RAB5C: variants seen among roughly 807,000 people sequenced by gnomAD.
The protein encoded by RAB5C is ras-related protein Rab-5C.
A neutral mutation model predicts 25.2 loss-of-function variants in RAB5C; 4 were observed. The observed-to-expected ratio is 0.16, with a 90% CI of 0.08 to 0.36. The LOEUF (loss-of-function observed/expected upper bound fraction) is 0.36. Among genes scored for constraint, RAB5C ranks in the 10% least tolerant of loss-of-function variants. The probability of loss-of-function intolerance (pLI) is 1.00; values close to 1 mark genes in which losing one functional copy is unlikely to be tolerated. For missense variants in RAB5C, 199 were observed against 283.8 expected, an observed-to-expected ratio of 0.70 and a Z score of 2.15; for synonymous variants, 100 against 106.4, an observed-to-expected ratio of 0.94 and a Z score of 0.37.
In RAB5C at chr17:42,125,717, T is replaced by C. The variant is rs1032599664; in HGVS notation, c.*66A>G. On this transcript the variant is annotated 3_prime_UTR_variant, in exon 6 of 6. Coordinates refer to ENST00000346213, the MANE Select transcript of RAB5C (RefSeq NM_004583.4). The stretch of plus-strand genomic sequence containing the variant: ...GGCCCGAGTCGTTAAGTGCGATTGG[T>C]TAGAGTGGATTCCAGTCGGGTCATT... The C allele has an allele frequency of 1.3e-4, 157 of 1,179,990 alleles. No homozygotes were observed. The highest frequency in any genetic ancestry group is 1.8e-4 in the Non-Finnish European group (151 of 820,724). 73.1% of individuals were successfully genotyped at this position (1,179,990 alleles called of 1,614,324 possible). A position where few individuals can be genotyped will look rare whatever the true frequency, so the allele number is the denominator to read the frequency against.
At chr17:42,140,848 A>C (rs1478165834) in intron 1 of RAB5C, among the ~76,000 whole-genome samples, 4 of 151,698 alleles carry the variant, frequency 2.6e-5, no homozygotes, top group Non-Finnish European at 5.9e-5. Flanking sequence ...TACATTTTTG[A>C]GACAGGGTCT....
At chr17:42,142,490 C>T (rs557037337) in intron 1 of RAB5C, among the ~76,000 whole-genome samples, 12 of 152,144 alleles carry the variant, frequency 7.9e-5, no homozygotes, top group Non-Finnish European at 1.3e-4. Context: ...GCTGCAAATG[C>T]TAGAGGTTTG....
chr17:42,126,634 A>C, intron 5 of RAB5C, 121 bp downstream of exon 5: 1 of 239,036 alleles, frequency 4.2e-6, no homozygotes, highest in Non-Finnish European at 7.8e-6. Flanking sequence ...TCCATCTCAA[A>C]AAAAAAAAAA....
At chr17:42,126,660 A>ATT in intron 5 of RAB5C, 95 bp downstream of exon 5, 3 of 361,130 alleles carry the variant, frequency 8.3e-6, no homozygotes, top group Non-Finnish European at 1.1e-5. Context: ...AAAAAAAAAG[A>ATT]GTGGTGAAGG....
intron 1 of RAB5C, chr17:42,136,446 T>C (rs1368359704): frequency 6.6e-6 from 1 of 152,240 alleles, no homozygotes; most frequent in Non-Finnish European, 1.5e-5. Context: ...TTCCCCAGCG[T>C]GGCTAGCAGG....
chr17:42,136,063 AACAAG>A (rs1176541068), intron 1 of RAB5C, among the ~76,000 whole-genome samples: 1 of 152,202 alleles, frequency 6.6e-6, no homozygotes, highest in Non-Finnish European at 1.5e-5. Flanking sequence ...TGAATATTTA[AACAAG>A]AGTCCAGCAA....
intron 5 of RAB5C, 107 bp from the exon 6 acceptor site, chr17:42,126,005 ATT>A: frequency 1.3e-6 from 1 of 768,126 alleles, no homozygotes; most frequent in Non-Finnish European, 2.2e-6. Context: ...TAACTCACAT[ATT>A]GAGGGCTTCT....
At chr17:42,127,111 A>C (rs879507615) in intron 4 of RAB5C, among the ~76,000 whole-genome samples, 3 of 152,240 alleles carry the variant, frequency 2.0e-5, no homozygotes, top group Admixed American at 1.3e-4. Flanking sequence ...CAAAATCACT[A>C]GGCTAGGAAA....
In RAB5C at chr17:42,140,511, ATATATTTTTTTTTT is replaced by A. The variant is rs1207735674; in HGVS notation, c.-88-9935_-88-9922del. Among the ~76,000 whole-genome samples the A allele has an allele frequency of 8.3e-5, 3 of 36,008 alleles. No homozygotes were observed. In the African/African-American group the frequency reaches 9.9e-4, roughly 12 times the overall value. 23.6% of individuals were successfully genotyped at this position (36,008 alleles called of 152,430 possible). A position where few individuals can be genotyped will look rare whatever the true frequency, so the allele number is the denominator to read the frequency against. On this transcript the variant is annotated intron_variant, in intron 1 of 5. Transcript: ENST00000346213. ...TATATATATATATATATATATATAT[ATATATTTTTTTTTT>A]TTTTTTTTTTTTTTTTGAGATGGAG...
In RAB5C at chr17:42,126,819, A is replaced by T; in HGVS notation, c.471T>A (p.Ser157Arg). The change falls in exon 5 of 6, where the codon AGT becomes AGA. Residue 157 changes from serine (S) to arginine (R), a missense_variant. Transcript: ENST00000346213. ...TTGCTGATGTCTCCATGAACAGCAAACTGTTGTCGTCTGCATAGGCTTGTG... is the reference window on the plus strand; with the variant it reads ...TTGCTGATGTCTCCATGAACAGCAATCTGTTGTCGTCTGCATAGGCTTGTG... ...QEAQAYADDN[S>R]LLFMETSAKT... is the part of the protein sequence containing the mutation. 6.2e-7 allele frequency: 1 copy of T among 1,613,248 alleles called. No individual in the cohort carries two copies. Among genetic ancestry groups the T allele is most frequent in the Non-Finnish European group, 8.5e-7 (1 of 1,179,344 alleles).
At chr17:42,142,031 G>A (rs1339570386) in intron 1 of RAB5C, among the ~76,000 whole-genome samples, 5 of 151,994 alleles carry the variant, frequency 3.3e-5, no homozygotes, top group African/African-American at 1.2e-4. Flanking sequence ...GATACTCAGT[G>A]TCCTGTCAAC....
chr17:42,137,272 C>G (rs572179594), intron 1 of RAB5C, among the ~76,000 whole-genome samples: 81 of 150,852 alleles, frequency 5.4e-4, no homozygotes, highest in Non-Finnish European at 1.0e-3. Flanking sequence ...CACCATTGCA[C>G]TCCAGCCTGG....
chr17:42,140,161 A>ACC (rs1382884175), intron 1 of RAB5C, among the ~76,000 whole-genome samples: 4 of 152,118 alleles, frequency 2.6e-5, no homozygotes, highest in African/African-American at 9.7e-5. Flanking sequence ...CAGAAGCAGC[A>ACC]CCTGTTCATC....
rs148379399 is a variant in RAB5C, at chr17:42,125,798, C to T, written c.636G>A (p.Gln212=). The change falls in exon 6 of 6, where the codon CAG becomes CAA. Residue 212 remains glutamine, a synonymous_variant. Transcript: ENST00000346213. ...LQENNPASRS[Q]CCSN ...CAAGGGGGGCTCAGTTGCTGCAGCA[C>T]TGGCTCCGGCTGGCTGGGTTGTTCT... The T allele has an allele frequency of 4.1e-5, 66 of 1,605,548 alleles. No individual in the cohort carries two copies. The African/African-American group carries it at 8.1e-4, about 20-fold the overall frequency.
chr17:42,153,887 T>C (rs2079688251), intron 1 of RAB5C, among the ~76,000 whole-genome samples: 1 of 152,198 alleles, frequency 6.6e-6, no homozygotes, highest in Admixed American at 6.5e-5. Context: ...GACTTAGTCC[T>C]CAGTAATAAG....
chr17:42,132,297 G>C (rs1598246808), intron 1 of RAB5C, among the ~76,000 whole-genome samples: 1 of 152,320 alleles, frequency 6.6e-6, no homozygotes, highest in East Asian at 1.9e-4. Flanking sequence ...GTTTGAAATG[G>C]GGCCCACCTC....
At chr17:42,148,403 C>CAAAAAAAA (rs71228786) in intron 1 of RAB5C, among the ~76,000 whole-genome samples, 2 of 57,400 alleles carry the variant, frequency 3.5e-5, no homozygotes, top group African/African-American at 6.6e-5. Flanking sequence ...GACTCCATCT[C>CAAAAAAAA]AAAAAAAAAA....
At position 42,125,160 on chromosome 17, in the gene RAB5C, G is replaced by A. The variant is rs184876805; in HGVS notation, c.*623C>T. The A allele has an allele frequency of 2.0e-5, 3 of 148,536 alleles. No individual in the cohort carries two copies. Among genetic ancestry groups the A allele is most frequent in the Admixed American group, 1.3e-4 (2 of 14,862 alleles). 9.2% of individuals were successfully genotyped at this position (148,536 alleles called of 1,614,324 possible). ...AGAACAGGGCTCAGAGCCAGAGGTT[G>A]GGGTGACCGAGGGTGGAGGGGTTGT... On this transcript the variant is annotated 3_prime_UTR_variant, in exon 6 of 6. Transcript: ENST00000346213.
rs200021870 is a variant in RAB5C at position 42,125,734 on chromosome 17, C to T, written c.*49G>A. On this transcript the variant is annotated 3_prime_UTR_variant, in exon 6 of 6. Coordinates refer to ENST00000346213, the MANE Select transcript of RAB5C (RefSeq NM_004583.4). ...GCGATTGGTTAGAGTGGATTCCAGT[C>T]GGGTCATTCAGGCGGAGGAGGCGGG... The T allele has an allele frequency of 1.3e-3, 1,824 of 1,358,680 alleles. 14 individuals carry two copies. The highest frequency in any genetic ancestry group is 7.5e-4 in the Middle Eastern group (4 of 5,344). The allele number at this position is 1,358,680 out of a possible 1,614,324, so 84.2% of individuals were successfully genotyped here.
Sources: allele counts gnomAD v4.1 joint callset (sites outside exome capture counted in the v4.1 genomes callset), GRCh38; gene constraint gnomAD v4.1.1; transcripts MANE v1.5; gene names NCBI Gene and HGNC (gene_info 2026-07-23, HGNC 2026-07-21).